Variants in CEL observed in about 807,000 individuals in gnomAD.
CEL encodes bile salt-activated lipase.
CEL carries 39 observed loss-of-function variants against 57.1 expected under a neutral mutation model. That is an observed-to-expected ratio of 0.68 (90% CI 0.53 to 0.89). CEL has a LOEUF of 0.89. Ranked by LOEUF, CEL falls within the 40% of genes least tolerant of loss-of-function variation. The pLI is 0.00. For missense variants in CEL, 698 were observed against 915.0 expected (o/e 0.76, Z 3.06); for synonymous variants, 314 against 396.6 (o/e 0.79, Z 2.48).
chr9:133,063,425 C>T (rs185497590), intron 1 of CEL, among the ~76,000 whole-genome samples: 28 of 152,314 alleles, frequency 1.8e-4, no homozygotes, highest in Non-Finnish European at 3.5e-4. Flanking sequence ...TCTCCCACAC[C>T]AGTGTGACAG....
chr9:133,066,406 T>A lies in CEL; in HGVS notation c.539-124T>A. Reference sequence around the variant, plus strand: ...TCTTAGGGACCCACCATTTGCCAACTGGGGCTCTGCCATGGCCCCAACTCT... The same window carrying A: ...TCTTAGGGACCCACCATTTGCCAACAGGGGCTCTGCCATGGCCCCAACTCT... On this transcript the variant is annotated intron_variant, in intron 4 of 10. Transcript: ENST00000372080. The surrounding 1 kb of genome is among the most constrained non-coding windows in gnomAD (Gnocchi z 4.3). The A allele has an allele frequency of 7.9e-7, 1 of 1,257,944 alleles. No individual in the cohort carries two copies. Among genetic ancestry groups the A allele is most frequent in the Non-Finnish European group, 1.1e-6 (1 of 883,204 alleles). 77.9% of individuals were successfully genotyped at this position (1,257,944 alleles called of 1,614,324 possible).
intron 3 of CEL, 101 bp from the exon 4 acceptor site, chr9:133,064,928 TTGGAGCACCTC>T: frequency 1.3e-6 from 2 of 1,537,074 alleles, no homozygotes; most frequent in Admixed American, 3.5e-5. Context: ...GGGCAGCGCC[TTGGAGCACCTC>T]CCTGTCTTGG....
Position 133,070,991 on chromosome 9 carries a change from C to A in CEL, c.1489C>A (p.Pro497Thr), listed in dbSNP as rs777955798. 1 of 1,613,558 alleles carries A rather than the reference C, an allele frequency of 6.2e-7. No homozygotes were observed. The highest frequency in any genetic ancestry group is 1.1e-5 in the South Asian group (1 of 91,070). Residue 497 changes from proline (P) to threonine (T), a missense_variant, in exon 11 of 11, where the codon CCC (proline) becomes ACC (threonine). Coordinates refer to ENST00000372080, the MANE Select transcript of CEL (RefSeq NM_001807.6). ...CAGCCTCTTCTCACTCTGCAGGGAC[C>A]CCAACATGGGCGACTCGGCTGTGCC... ...YWTNFAKTGDPNMGDSAVPTH... is the reference protein window; with the variant it reads ...YWTNFAKTGDTNMGDSAVPTH...
intron 9 of CEL, 150 bp from the exon 10 acceptor site, chr9:133,070,311 C>G: frequency 1.5e-6 from 1 of 660,752 alleles, no homozygotes. Context: ...CTCAGCTTTC[C>G]CTTCCCTGGG....
chr9:133,070,864 G>A (rs1383525197), intron 10 of CEL, 123 bp from the exon 11 acceptor site: 3 of 1,297,060 alleles, frequency 2.3e-6, no homozygotes, highest in Non-Finnish European at 3.3e-6. Context: ...CCAGTATGCA[G>A]TGAGGGGCAT....
chr9:133,070,420 C>T, intron 9 of CEL, 41 bp from the exon 10 acceptor site: 4 of 1,563,882 alleles, frequency 2.6e-6, no homozygotes, highest in Non-Finnish European at 3.5e-6. Flanking sequence ...GATCGGTCCC[C>T]AGTGAGCACC....
chr9:133,071,277 C>T lies in CEL; in HGVS notation c.1775C>T (p.Pro592Leu), dbSNP rs558514343. Residue 592 changes from proline (P) to leucine (L), a missense_variant, in exon 11 of 11, where the codon CCC becomes CTC. Around this residue, in one of 6 missense-constraint regions of CEL, gnomAD observed 238 missense variants for 213.7 expected, o/e 1.11. Coordinates refer to ENST00000372080, the MANE Select transcript of CEL (RefSeq NM_001807.6). ...CCCACGGGTGACTCCGGGGCCCCCC[C>T]CGTGCCGCCCACGGGTGACTCCGGG... ...VPPTGDSGAP[P>L]VPPTGDSGAP... The T allele has an allele frequency of 6.8e-7, 1 of 1,463,670 alleles. No individual in the cohort carries two copies. The highest frequency in any genetic ancestry group is 2.5e-5 in the East Asian group (1 of 39,826). 90.7% of individuals were successfully genotyped at this position (1,463,670 alleles called of 1,614,324 possible).
chr9:133,066,009 C>A lies in CEL; in HGVS notation c.539-521C>A, dbSNP rs1443672943. ...CTCCAGCCTGGGCGACAGAGTGAGGCCCCATCTCAAAAATAAGAGGCTGTG... is the reference window on the plus strand; with the variant it reads ...CTCCAGCCTGGGCGACAGAGTGAGGACCCATCTCAAAAATAAGAGGCTGTG... On this transcript the variant is annotated intron_variant, in intron 4 of 10. Transcript: ENST00000372080. The surrounding 1 kb of genome is among the most constrained non-coding windows in gnomAD (Gnocchi z 4.3). Among the ~76,000 whole-genome samples the A allele has an allele frequency of 6.6e-6, 1 of 152,138 alleles. No homozygotes were observed. Among genetic ancestry groups the A allele is most frequent in the Non-Finnish European group, 1.5e-5 (1 of 68,034 alleles).
rs1311725327 is a variant in CEL at position 133,068,850 on chromosome 9, A to G, written c.1074A>G (p.Lys358=). The change falls in exon 8 of 11, where the codon AAA becomes AAG. Residue 358 remains lysine, a synonymous_variant. Coordinates refer to ENST00000372080, the MANE Select transcript of CEL (RefSeq NM_001807.6). Reference sequence around the variant, plus strand: ...CTGCCATCAACAAGGGCAACAAGAAAGTCACGGAGTAAGCAGGGGGCACAG... The same window carrying G: ...CTGCCATCAACAAGGGCAACAAGAAGGTCACGGAGTAAGCAGGGGGCACAG... ...DMPAINKGNK[K]VTEEDFYKLV... 3 of 1,483,568 alleles carry G rather than the reference A, an allele frequency of 2.0e-6. No homozygotes were observed. In the Admixed American group the frequency reaches 5.7e-5, roughly 28 times the overall value. The allele number at this position is 1,483,568 out of a possible 1,614,324, so 91.9% of individuals were successfully genotyped here. A position where few individuals can be genotyped will look rare whatever the true frequency, so the allele number is the denominator to read the frequency against.
chr9:133,064,677 G>A lies in CEL; in HGVS notation c.255G>A (p.Leu85=), dbSNP rs752138519. Residue 85 remains leucine (L), a synonymous_variant, in exon 3 of 11, where the codon CTG becomes CTA. Transcript: ENST00000372080. ...LKAKNFKKRC[L]QATITQDSTY... is the part of the protein sequence containing the mutation. Reference sequence around the variant, plus strand: ...CCAAGAACTTCAAGAAGAGATGCCTGCAGGCCACCATCACCCAGGACAGCA... The same window carrying A: ...CCAAGAACTTCAAGAAGAGATGCCTACAGGCCACCATCACCCAGGACAGCA... 1 of 1,613,970 alleles carries A rather than the reference G, an allele frequency of 6.2e-7. No homozygotes were observed. Among genetic ancestry groups the A allele is most frequent in the South Asian group, 1.1e-5 (1 of 91,092 alleles).
chr9:133,064,685 C>T lies in CEL; in HGVS notation c.263C>T (p.Thr88Ile), dbSNP rs1224154162. Residue 88 changes from threonine (T) to isoleucine (I), a missense_variant, in exon 3 of 11, where the codon ACC becomes ATC. This residue lies in a region of CEL where 327 missense variants were observed against 374.1 expected (regional missense o/e 0.87). Transcript: ENST00000372080. Reference protein sequence around the residue: ...KNFKKRCLQATITQDSTYGDE... With the variant: ...KNFKKRCLQAIITQDSTYGDE... ...TTCAAGAAGAGATGCCTGCAGGCCA[C>T]CATCACCCAGGACAGCACCTACGGG... 4 of 1,614,126 alleles carry T rather than the reference C, an allele frequency of 2.5e-6. No homozygotes were observed. Among genetic ancestry groups the T allele is most frequent in the Non-Finnish European group, 3.4e-6 (4 of 1,180,022 alleles).
rs1309112677 is a variant in CEL at position 133,070,640 on chromosome 9, C to G, written c.1466C>G (p.Thr489Ser). The change falls in exon 10 of 11, where the codon ACC becomes AGC. Residue 489 changes from threonine to serine, a missense_variant. Coordinates refer to ENST00000372080, the MANE Select transcript of CEL (RefSeq NM_001807.6). Reference sequence around the variant, plus strand: ...TCTAAGGCCATGATCGCCTACTGGACCAACTTTGCCAAAACAGGGTAAGAC... The same window carrying G: ...TCTAAGGCCATGATCGCCTACTGGAGCAACTTTGCCAAAACAGGGTAAGAC... Reference protein sequence around the residue: ...TVSKAMIAYWTNFAKTGDPNM... With the variant: ...TVSKAMIAYWSNFAKTGDPNM... 1 of 1,614,220 alleles carries G rather than the reference C, an allele frequency of 6.2e-7. No individual in the cohort carries two copies.
intron 1 of CEL, among the ~76,000 whole-genome samples, 199 bp downstream of exon 1, chr9:133,062,267 G>A (rs1209524813): frequency 1.3e-5 from 2 of 151,242 alleles, no homozygotes; most frequent in Non-Finnish European, 2.9e-5. Context: ...GCCAAGAACT[G>A]CTGTGTAAGT....
chr9:133,065,978 A>G (rs376665495), intron 4 of CEL, among the ~76,000 whole-genome samples: 9 of 152,066 alleles, frequency 5.9e-5, no homozygotes, highest in South Asian at 2.1e-4. Context: ...TGGTCGTGCC[A>G]CTGCACTCCA....
intron 3 of CEL, 55 bp from the exon 4 acceptor site, chr9:133,064,985 C>T (rs1830152297): frequency 6.2e-7 from 1 of 1,605,762 alleles, no homozygotes; most frequent in East Asian, 2.2e-5. Flanking sequence ...AGGGGACCGG[C>T]TGGAGACAGG....
intron 4 of CEL, 37 bp downstream of exon 4, chr9:133,065,274 A>C (rs1830159350): frequency 1.2e-6 from 2 of 1,603,128 alleles, no homozygotes; most frequent in Admixed American, 3.3e-5. Flanking sequence ...TGGGGCGACC[A>C]GCATGCTGAG....
intron 7 of CEL, among the ~76,000 whole-genome samples, chr9:133,067,981 C>CA (rs1352517820): frequency 6.6e-6 from 1 of 152,220 alleles, no homozygotes; most frequent in Non-Finnish European, 1.5e-5. Context: ...CAGCTTGCTA[C>CA]GCTAAGGCTG....
Position 133,071,449 on chromosome 9 carries a change from G to A in CEL, c.1947G>A (p.Pro649=), listed in dbSNP as rs541815552. Residue 649 remains proline, a synonymous_variant, in exon 11 of 11, where the codon CCG becomes CCA. Coordinates refer to ENST00000372080, the MANE Select transcript of CEL (RefSeq NM_001807.6). ...PTGDSGAPPV[P]PTGDSGAPPV... is the part of the protein sequence containing the mutation. ...GTGACTCCGGGGCCCCCCCCGTGCC[G>A]CCCACGGGTGACTCCGGGGCCCCCC... 2 of 104,530 alleles carry A rather than the reference G, an allele frequency of 1.9e-5. No individual in the cohort carries two copies. The allele number at this position is 104,530 out of a possible 1,614,324, so 6.5% of individuals were successfully genotyped here.
chr9:133,067,891 C>T (rs1194349519), intron 7 of CEL, among the ~76,000 whole-genome samples: 2 of 152,172 alleles, frequency 1.3e-5, no homozygotes, highest in South Asian at 2.1e-4. Context: ...GCACTGGGGC[C>T]CAGCCTCCAG....
Sources: gnomAD v4.1 joint callset for allele counts (sites outside exome capture counted in the v4.1 genomes callset) on GRCh38, gnomAD v4.1.1 for gene constraint, gnomAD v4.1.1 regional missense constraint, Gnocchi (gnomAD v3.1) non-coding constraint, MANE v1.5 for transcripts, NCBI Gene and HGNC (gene_info 2026-07-23, HGNC 2026-07-21) for gene names.